Variants in LSAMP observed in about 807,000 individuals in gnomAD.
LSAMP encodes limbic system-associated membrane protein.
A neutral mutation model predicts 38.6 loss-of-function variants in LSAMP; 7 were observed. The observed-to-expected ratio is 0.18, with a 90% confidence interval of 0.10 to 0.34. The LOEUF is 0.34. LSAMP is among the 10% of genes least tolerant of loss of function. The pLI is 1.00. For missense variants in LSAMP, 313 were observed against 420.0 expected, an observed-to-expected ratio of 0.75 and a Z score of 2.23; for synonymous variants, 154 against 166.8, an observed-to-expected ratio of 0.92 and a Z score of 0.59.
intron 1 of LSAMP, among the ~76,000 whole-genome samples, chr3:116,315,232 T>C (rs1229860274): frequency 6.6e-6 from 1 of 152,194 alleles, no homozygotes; most frequent in Non-Finnish European, 1.5e-5. Flanking sequence ...CAAGATGCAC[T>C]CAGAGGCCTA....
At position 115,914,172 on chromosome 3, in the gene LSAMP, C is replaced by G. The variant is rs564637778; in HGVS notation, c.515-61555G>C. Among the ~76,000 whole-genome samples the G allele has an allele frequency of 1.8e-4, 27 of 152,314 alleles. No individual in the cohort carries two copies. The South Asian group carries it at 5.2e-3, about 29-fold the overall frequency. ...TAGAGATCCTTGACCAAACTTTAGT[C>G]AAGCTCCTCTGAGCCCTCTTTGCGT... On this transcript the variant is annotated intron_variant, in intron 3 of 6. Coordinates refer to ENST00000490035, the MANE Select transcript of LSAMP (RefSeq NM_002338.5).
intron 2 of LSAMP, among the ~76,000 whole-genome samples, chr3:116,073,327 A>T (rs1048423760): frequency 5.9e-5 from 9 of 152,120 alleles, no homozygotes; most frequent in African/African-American, 2.2e-4. Context: ...TATAGTTTGA[A>T]GTTGGATAGG....
chr3:116,313,611 CT>C (rs1331882984), intron 1 of LSAMP, among the ~76,000 whole-genome samples: 1 of 152,146 alleles, frequency 6.6e-6, no homozygotes, highest in Non-Finnish European at 1.5e-5. Context: ...TCATAGGCCT[CT>C]TAGAGCAAAG....
intron 1 of LSAMP, among the ~76,000 whole-genome samples, chr3:116,410,562 C>T (rs2048959526): frequency 6.6e-6 from 1 of 152,048 alleles, no homozygotes; most frequent in African/African-American, 2.4e-5. Flanking sequence ...TAAAACACCT[C>T]CTTAACTTCT....
At chr3:115,890,956 G>T (rs573469374) in intron 3 of LSAMP, among the ~76,000 whole-genome samples, 132 of 152,014 alleles carry the variant, frequency 8.7e-4, no homozygotes, top group Admixed American at 1.6e-3. Flanking sequence ...CATTTTCCAT[G>T]TGTGCCCTGA....
At chr3:116,070,213 T>TA (rs1707568094) in intron 2 of LSAMP, among the ~76,000 whole-genome samples, 1 of 152,116 alleles carries the variant, frequency 6.6e-6, no homozygotes, top group African/African-American at 2.4e-5. Flanking sequence ...AAGTAGAGGA[T>TA]ATGGAACACA....
chr3:116,402,497 A>T (rs1282711829), intron 1 of LSAMP, among the ~76,000 whole-genome samples: 2 of 152,014 alleles, frequency 1.3e-5, no homozygotes, highest in Non-Finnish European at 2.9e-5. Context: ...AACTGCCAAG[A>T]TCTTCATTCA....
chr3:116,118,570 G>T (rs570179793), intron 1 of LSAMP, among the ~76,000 whole-genome samples: 1 of 152,102 alleles, frequency 6.6e-6, no homozygotes, highest in South Asian at 2.1e-4. Flanking sequence ...GAGTTTGCAG[G>T]GGGTGGGTGA....
chr3:115,969,460 G>A (rs557986958), intron 3 of LSAMP, among the ~76,000 whole-genome samples: 1 of 152,290 alleles, frequency 6.6e-6, no homozygotes, highest in East Asian at 1.9e-4. Flanking sequence ...TGATACAGCA[G>A]AGCACTTCTT....
intron 3 of LSAMP, among the ~76,000 whole-genome samples, chr3:115,968,544 A>C (rs1174456553): frequency 6.6e-6 from 1 of 152,070 alleles, no homozygotes; most frequent in Non-Finnish European, 1.5e-5. Context: ...ATTCTATCCT[A>C]CTGTGATTGA....
intron 1 of LSAMP, among the ~76,000 whole-genome samples, chr3:116,272,149 A>AATATATATATATATAT (rs148831827): frequency 1.0e-4 from 15 of 150,534 alleles, no homozygotes; most frequent in African/African-American, 3.4e-4. Context: ...TAAACAAATA[A>AATATATATATATATAT]ATATATATAT....
chr3:116,073,493 T>C (rs1244874027), intron 2 of LSAMP, among the ~76,000 whole-genome samples: 1 of 152,250 alleles, frequency 6.6e-6, no homozygotes, highest in Non-Finnish European at 1.5e-5. Flanking sequence ...ATTTAATCTA[T>C]AAATTACTTT....
intron 1 of LSAMP, among the ~76,000 whole-genome samples, chr3:116,423,333 C>T (rs2049155582): frequency 6.6e-6 from 1 of 152,126 alleles, no homozygotes; most frequent in Non-Finnish European, 1.5e-5. Context: ...GACACGATGC[C>T]AGAACTGAGC....
At chr3:116,150,979 G>A (rs187096214) in intron 1 of LSAMP, among the ~76,000 whole-genome samples, 280 of 152,066 alleles carry the variant, frequency 1.8e-3, no homozygotes, top group South Asian at 3.7e-3. Flanking sequence ...TACTGGATCC[G>A]TTTTAAGAAT....
intron 1 of LSAMP, among the ~76,000 whole-genome samples, chr3:116,250,903 A>G (rs1276816608): frequency 4.6e-5 from 7 of 152,052 alleles, no homozygotes; most frequent in Non-Finnish European, 7.4e-5. Flanking sequence ...AACAAAAGAA[A>G]GCTATAAAAG....
chr3:116,171,482 C>T (rs567539194), intron 1 of LSAMP, among the ~76,000 whole-genome samples: 8 of 152,196 alleles, frequency 5.3e-5, no homozygotes, highest in South Asian at 4.1e-4. Context: ...ATCATGTTAC[C>T]TCCACAAATA....
At chr3:115,949,389 G>GT (rs1356150069) in intron 3 of LSAMP, among the ~76,000 whole-genome samples, 5 of 148,242 alleles carry the variant, frequency 3.4e-5, no homozygotes, top group East Asian at 2.0e-4. Flanking sequence ...CTTAAAAATA[G>GT]TTTTTTTGTT....
At chr3:115,963,919 A>AT (rs1576262250) in intron 3 of LSAMP, among the ~76,000 whole-genome samples, 2 of 151,686 alleles carry the variant, frequency 1.3e-5, no homozygotes, top group African/African-American at 2.4e-5. Flanking sequence ...ACACCTGGCT[A>AT]TTTTTTTATT....
At chr3:116,177,056 A>C (rs917442498) in intron 1 of LSAMP, among the ~76,000 whole-genome samples, 1 of 152,172 alleles carries the variant, frequency 6.6e-6, no homozygotes, top group African/African-American at 2.4e-5. Flanking sequence ...TGGCAAAAGT[A>C]GTAGCTTTTC....
Sources: gnomAD v4.1 joint callset for allele counts (sites outside exome capture counted in the v4.1 genomes callset) on GRCh38, gnomAD v4.1.1 for gene constraint, MANE v1.5 for transcripts, NCBI Gene and HGNC (gene_info 2026-07-23, HGNC 2026-07-21) for gene names.